FBXO6: variants seen among roughly 807,000 people sequenced by gnomAD.
FBXO6 encodes F-box protein 6, also known as F-box only protein 6.
A neutral mutation model predicts 25.0 loss-of-function variants in FBXO6; 13 were observed. That is an observed-to-expected ratio of 0.52 (90% CI 0.34 to 0.83). The LOEUF is 0.83. Ranked by LOEUF, FBXO6 falls within the 40% of genes least tolerant of loss-of-function variation. The pLI, the probability that FBXO6 is intolerant of heterozygous loss-of-function variation, is 0.02. For synonymous variants in FBXO6, 138 were observed against 155.3 expected, an observed-to-expected ratio of 0.89 and a Z score of 0.83; for missense variants, 370 against 380.2, an observed-to-expected ratio of 0.97 and a Z score of 0.22.
chr1:11,673,895 G>A lies in FBXO6; in HGVS notation c.*44G>A. ...CTGGGTCAGCCAGAGGTTCCTCCAG[G>A]CAGGAGCTGAGCATGGGGTGGGCAG... On this transcript the variant is annotated 3_prime_UTR_variant, in exon 6 of 6. Transcript: ENST00000376753. The surrounding 1 kb of genome is among the most constrained non-coding windows in gnomAD (Gnocchi z 4.3). 6.3e-7 allele frequency: 1 copy of A among 1,589,914 alleles called. No individual in the cohort carries two copies. Among genetic ancestry groups the A allele is most frequent in the Non-Finnish European group, 8.6e-7 (1 of 1,158,946 alleles).
Position 11,671,437 on chromosome 1 carries a change from G to C in FBXO6, c.413+45G>C, listed in dbSNP as rs765631734. 10 of 1,593,982 alleles carry C rather than the reference G, an allele frequency of 6.3e-6. No individual in the cohort carries two copies. The East Asian group carries it at 6.8e-5, about 11-fold the overall frequency. On this transcript the variant is annotated intron_variant, in intron 3 of 5. Transcript: ENST00000376753. ...CCAGGCTTGCGTGGAGGGGACAGAG[G>C]GTCAGGACACCTTTGCCAAGTCTCA...
In FBXO6 at chr1:11,671,339, C is replaced by T. The variant is rs751686611; in HGVS notation, c.360C>T (p.His120=). Residue 120 remains histidine, a synonymous_variant, in exon 3 of 6, where the codon CAC becomes CAT. Transcript: ENST00000376753. ...AGGTGGAGAGCCTCCCTGGAGCCCA[C>T]GGGACAGATTTTCCTGACCCCAAAG... ...RWKVESLPGA[H]GTDFPDPKVK... The T allele has an allele frequency of 1.4e-5, 23 of 1,613,930 alleles. No individual in the cohort carries two copies. In the East Asian group the frequency reaches 4.0e-4, roughly 28 times the overall value.
chr1:11,665,299 A>C (rs1490068714), intron 1 of FBXO6, among the ~76,000 whole-genome samples: 2 of 129,704 alleles, frequency 1.5e-5, no homozygotes, highest in Non-Finnish European at 3.1e-5. Flanking sequence ...ATCTCAGCTC[A>C]CTGCAAGCTC....
In FBXO6 at chr1:11,671,908, C is replaced by T. The variant is rs2100697466; in HGVS notation, c.414-20C>T. On this transcript the variant is annotated intron_variant, in intron 3 of 5. Transcript: ENST00000376753. ...TGCAGAGCACACCCAGGTATGCAAG[C>T]CCCCAACTCTGCTCCCCAGAATGTG... 2 of 1,607,878 alleles carry T rather than the reference C, an allele frequency of 1.2e-6. No individual in the cohort carries two copies. Among genetic ancestry groups the T allele is most frequent in the African/African-American group, 2.7e-5 (2 of 74,954 alleles).
At chr1:11,665,988 T>C (rs1050643557) in intron 1 of FBXO6, among the ~76,000 whole-genome samples, 1 of 128,574 alleles carries the variant, frequency 7.8e-6, no homozygotes, top group African/African-American at 3.1e-5. Flanking sequence ...CTTGGCCACA[T>C]TGGGTTTTTT....
chr1:11,673,578 G>A lies in FBXO6; in HGVS notation c.646-37G>A, dbSNP rs138846785. On this transcript the variant is annotated intron_variant, in intron 5 of 5. Coordinates refer to ENST00000376753, the MANE Select transcript of FBXO6 (RefSeq NM_018438.6). The surrounding 1 kb of genome is among the most constrained non-coding windows in gnomAD (Gnocchi z 4.3). ...CCTGGCTCCTGCCTTCCCCTCCCCCGTCCCGGTGGTCACTTCCTCTCCCTT... is the reference window on the plus strand; with the variant it reads ...CCTGGCTCCTGCCTTCCCCTCCCCCATCCCGGTGGTCACTTCCTCTCCCTT... The A allele has an allele frequency of 1.1e-4, 173 of 1,596,818 alleles. No homozygotes were observed. The East Asian group carries it at 2.0e-3, about 18-fold the overall frequency.
chr1:11,672,630 C>T (rs140858054), intron 4 of FBXO6, among the ~76,000 whole-genome samples: 14 of 152,328 alleles, frequency 9.2e-5, no homozygotes, highest in Non-Finnish European at 1.5e-4. Context: ...AGGACCTCAG[C>T]CCTCTCTGGA....
chr1:11,667,305 A>T (rs1640469857), intron 1 of FBXO6, among the ~76,000 whole-genome samples: 2 of 152,162 alleles, frequency 1.3e-5, no homozygotes, highest in Admixed American at 1.3e-4. Context: ...TGGGGCAAGT[A>T]CCTGGGATCC....
At chr1:11,664,392 G>C (rs953869388) in intron 1 of FBXO6, 137 bp downstream of exon 1, 1 of 151,672 alleles carries the variant, frequency 6.6e-6, no homozygotes, top group Non-Finnish European at 1.5e-5. Flanking sequence ...CCGTAGGCTC[G>C]GGCCGACCTG....
chr1:11,672,041 C>T lies in FBXO6; in HGVS notation c.509+18C>T, dbSNP rs1441740658. On this transcript the variant is annotated intron_variant, in intron 4 of 5. Transcript: ENST00000376753. Reference sequence around the variant, plus strand: ...AAGGACTGGTGAGTAGGGTCCATGGCCTGTGTCCCCACACTCTACATGCTC... The same window carrying T: ...AAGGACTGGTGAGTAGGGTCCATGGTCTGTGTCCCCACACTCTACATGCTC... The T allele has an allele frequency of 1.3e-6, 2 of 1,598,376 alleles. No individual in the cohort carries two copies. The highest frequency in any genetic ancestry group is 3.3e-5 in the Admixed American group (2 of 59,964).
At chr1:11,669,674 G>GTATATATGTA (rs1479931589) in intron 2 of FBXO6, among the ~76,000 whole-genome samples, 2,567 of 94,298 alleles carry the variant, frequency 0.027, 82 homozygotes, top group African/African-American at 0.15. Context: ...ATGTATATAT[G>GTATATATGTA]TACACATATA....
At chr1:11,670,647 G>GCA (rs1640591294) in intron 2 of FBXO6, among the ~76,000 whole-genome samples, 2 of 151,278 alleles carry the variant, frequency 1.3e-5, no homozygotes, top group African/African-American at 2.4e-5. Flanking sequence ...AAGGGGGGGG[G>GCA]GGTGTCGCTA....
chr1:11,665,082 T>G (rs1640372284), intron 1 of FBXO6, among the ~76,000 whole-genome samples: 1 of 152,084 alleles, frequency 6.6e-6, no homozygotes. Context: ...TCTTGCTCTG[T>G]CACCCAGGCT....
In FBXO6 at chr1:11,668,871, C is replaced by T. The variant is rs368549622; in HGVS notation, c.213C>T (p.Pro71=). 1.7e-5 allele frequency: 28 copies of T among 1,614,146 alleles called. No homozygotes were observed. The South Asian group carries it at 2.0e-4, about 11-fold the overall frequency. The change falls in exon 2 of 6, where the codon CCC becomes CCT. Residue 71 remains proline (P), a synonymous_variant. Transcript: ENST00000376753. ...EGFITKDWDQ[P]VADWKIFYFL... ...TCATCACCAAGGACTGGGACCAGCC[C>T]GTGGCCGACTGGAAAATCTTCTACT...
intron 1 of FBXO6, 21 bp downstream of exon 1, chr1:11,664,276 G>A (rs2100678188): frequency 6.6e-6 from 1 of 152,208 alleles, no homozygotes. Context: ...CCGCGGCGAG[G>A]GTTAGGGGCC....
Position 11,673,705 on chromosome 1 carries a change from T to C in FBXO6, c.736T>C (p.Tyr246His), listed in dbSNP as rs1313224928. ...GRDTQYWAGW[Y>H]GPRVTNSSIV... ...GGACACCCAGTACTGGGCAGGCTGGTATGGGCCCCGAGTCACCAACAGCAG... is the reference window on the plus strand; with the variant it reads ...GGACACCCAGTACTGGGCAGGCTGGCATGGGCCCCGAGTCACCAACAGCAG... The change falls in exon 6 of 6, where the codon TAT (tyrosine) becomes CAT (histidine). Residue 246 changes from tyrosine (Y) to histidine (H), a missense_variant. Transcript: ENST00000376753. The surrounding 1 kb of genome is among the most constrained non-coding windows in gnomAD (Gnocchi z 4.3). 3 of 1,613,980 alleles carry C rather than the reference T, an allele frequency of 1.9e-6. No homozygotes were observed. The highest frequency in any genetic ancestry group is 2.2e-5 in the East Asian group (1 of 44,872).
intron 1 of FBXO6, 181 bp downstream of exon 1, chr1:11,664,436 G>A (rs1369290774): frequency 6.6e-6 from 1 of 151,498 alleles, no homozygotes; most frequent in East Asian, 1.9e-4. Flanking sequence ...CGCGTCCCCG[G>A]GGGGACGGGC....
intron 2 of FBXO6, among the ~76,000 whole-genome samples, chr1:11,669,700 A>G (rs1640558582): frequency 2.9e-5 from 4 of 138,784 alleles, no homozygotes; most frequent in African/African-American, 9.0e-5. Flanking sequence ...ATATATACAT[A>G]TGTATACATA....
chr1:11,669,127 A>G (rs935903465), intron 2 of FBXO6, among the ~76,000 whole-genome samples, 183 bp downstream of exon 2: 2 of 152,106 alleles, frequency 1.3e-5, no homozygotes, highest in African/African-American at 4.8e-5. Context: ...CCCAATCTAA[A>G]AACAGCCCTC....
Sources: gnomAD v4.1 joint callset for allele counts (sites outside exome capture counted in the v4.1 genomes callset) on GRCh38, gnomAD v4.1.1 for gene constraint, Gnocchi (gnomAD v3.1) non-coding constraint, MANE v1.5 for transcripts, NCBI Gene and HGNC (gene_info 2026-07-23, HGNC 2026-07-21) for gene names.